The following GTF2F2 variants were observed in gnomAD, a reference collection of about 807,000 sequenced individuals.
The protein encoded by GTF2F2 is ATP-dependent helicase GTF2F2.
In GTF2F2, 23 loss-of-function variants were observed where a neutral mutation model predicts 42.2. That is an observed-to-expected ratio of 0.55 (90% confidence interval 0.39 to 0.77). The LOEUF (loss-of-function observed/expected upper bound fraction) is 0.77, where lower values mean the gene tolerates loss of function less well. GTF2F2 is among the 30% of genes least tolerant of loss of function. The pLI is 0.00. For missense variants in GTF2F2, 261 were observed against 287.2 expected (o/e 0.91, Z 0.66); for synonymous variants, 105 against 100.8 (o/e 1.04, Z -0.25).
At chr13:45,179,117 G>T (rs1022558100) in intron 4 of GTF2F2, among the ~76,000 whole-genome samples, 2 of 152,196 alleles carry the variant, frequency 1.3e-5, no homozygotes, top group Admixed American at 1.3e-4. Context: ...CACTTCAGCT[G>T]CATCTGTTGG....
intron 6 of GTF2F2, among the ~76,000 whole-genome samples, chr13:45,255,670 T>C (rs1876074355): frequency 6.6e-6 from 1 of 152,242 alleles, no homozygotes; most frequent in Admixed American, 6.5e-5. Context: ...GAGAGCTACG[T>C]GTAAATAGAG....
intron 4 of GTF2F2, chr13:45,193,612 G>A (rs1872741357): frequency 3.4e-6 from 2 of 589,070 alleles, no homozygotes; most frequent in East Asian, 5.6e-5. Flanking sequence ...GAACACCCCA[G>A]AGGAAGGACA....
chr13:45,256,802 A>C (rs1032459144), intron 6 of GTF2F2, among the ~76,000 whole-genome samples: 3 of 152,178 alleles, frequency 2.0e-5, no homozygotes, highest in African/African-American at 7.2e-5. Flanking sequence ...TTAATAAAAA[A>C]TTTTAACTCG....
rs185359605 is a variant in GTF2F2, at chr13:45,213,406, C to T, written c.386+5901C>T. Among the ~76,000 whole-genome samples the T allele has an allele frequency of 2.0e-5, 3 of 152,100 alleles. No individual in the cohort carries two copies. In the East Asian group the frequency reaches 5.8e-4, roughly 29 times the overall value. ...CTACCTAGGATTTCTTATCTACCTC[C>T]TACGGAGATCTTTCTGAGCCTTTAA... On this transcript the variant is annotated intron_variant, in intron 5 of 7. Transcript: ENST00000340473.
At chr13:45,152,653 G>A (rs916695080) in intron 4 of GTF2F2, among the ~76,000 whole-genome samples, 9 of 152,280 alleles carry the variant, frequency 5.9e-5, no homozygotes, top group Admixed American at 2.6e-4. Context: ...AAGTTTCTGC[G>A]TAGAGTTTTA....
chr13:45,123,700 C>G (rs1017888503), intron 1 of GTF2F2, among the ~76,000 whole-genome samples: 59 of 149,370 alleles, frequency 3.9e-4, no homozygotes, highest in African/African-American at 1.4e-3. Context: ...TAGGGAAAAA[C>G]AAATATAGTA....
intron 5 of GTF2F2, among the ~76,000 whole-genome samples, chr13:45,245,700 T>TATATAC (rs1372154058): frequency 6.1e-5 from 4 of 65,504 alleles, no homozygotes; most frequent in African/African-American, 3.7e-4. Context: ...TATATATATA[T>TATATAC]ACATATACAT....
intron 4 of GTF2F2, among the ~76,000 whole-genome samples, chr13:45,172,874 G>A (rs998748203): frequency 2.0e-5 from 3 of 152,040 alleles, no homozygotes; most frequent in African/African-American, 7.2e-5. Flanking sequence ...ATTGGGAAGC[G>A]TGAACCCTCC....
intron 2 of GTF2F2, among the ~76,000 whole-genome samples, chr13:45,148,506 C>G (rs1318623051): frequency 6.6e-6 from 1 of 152,150 alleles, no homozygotes; most frequent in Non-Finnish European, 1.5e-5. Flanking sequence ...CCCACTTCAA[C>G]TTATTGCAAT....
chr13:45,262,662 G>T (rs907933770), intron 6 of GTF2F2, among the ~76,000 whole-genome samples: 1 of 151,924 alleles, frequency 6.6e-6, no homozygotes, highest in Non-Finnish European at 1.5e-5. Flanking sequence ...CAAGCGATCC[G>T]CCCACCCCAG....
intron 4 of GTF2F2, among the ~76,000 whole-genome samples, chr13:45,206,157 C>CTTCTTGAGATT (rs1314146042): frequency 6.6e-5 from 10 of 151,994 alleles, no homozygotes; most frequent in Non-Finnish European, 1.2e-4. Context: ...TTTTCTGCAT[C>CTTCTTGAGATT]TTCTTGAGAT....
intron 5 of GTF2F2, among the ~76,000 whole-genome samples, chr13:45,208,730 G>A (rs59387922): frequency 0.047 from 7,138 of 152,160 alleles, 493 homozygotes; most frequent in African/African-American, 0.15. Flanking sequence ...AGATTAGACT[G>A]TCTCCTGAGA....
intron 4 of GTF2F2, among the ~76,000 whole-genome samples, chr13:45,159,020 C>T (rs1870905737): frequency 6.6e-6 from 1 of 152,110 alleles, no homozygotes; most frequent in South Asian, 2.1e-4. Context: ...ATTTTTTGCT[C>T]ATTATATTTT....
rs567083454 is a variant in GTF2F2 at position 45,216,509 on chromosome 13, GTTTGTTTT to G, written c.386+9022_386+9029del. On this transcript the variant is annotated intron_variant, in intron 5 of 7. Transcript: ENST00000340473. ...ACGTCTTTTTTAATCAAAGTCTTGT[GTTTGTTTT>G]TTTGTTTTTTTGTTTTTGAGATAGA... Among the ~76,000 whole-genome samples, 83 of 151,842 alleles carry G rather than the reference GTTTGTTTT, an allele frequency of 5.5e-4. No individual in the cohort carries two copies. The South Asian group carries it at 7.3e-3, about 13-fold the overall frequency.
At chr13:45,155,070 A>G (rs536338062) in intron 4 of GTF2F2, among the ~76,000 whole-genome samples, 52 of 152,196 alleles carry the variant, frequency 3.4e-4, no homozygotes, top group Non-Finnish European at 6.3e-4. Context: ...GCTGTGACAT[A>G]TTTAAAATGT....
intron 5 of GTF2F2, among the ~76,000 whole-genome samples, chr13:45,231,463 C>A (rs1187312172): frequency 6.6e-6 from 1 of 151,630 alleles, no homozygotes; most frequent in Admixed American, 6.6e-5. Context: ...TACAGAAATT[C>A]TCTCACTTCT....
intron 5 of GTF2F2, among the ~76,000 whole-genome samples, chr13:45,236,795 A>T (rs1172828017): frequency 6.6e-6 from 1 of 152,222 alleles, no homozygotes. Flanking sequence ...GGAATAAAAC[A>T]GTTACTTTTT....
chr13:45,123,026 A>G (rs1566105815), intron 1 of GTF2F2: 1 of 152,062 alleles, frequency 6.6e-6, no homozygotes. Context: ...CAGTGAGTCA[A>G]GATTGTGCCA....
In GTF2F2 at chr13:45,204,894, A is replaced by C. The variant is rs9652190; in HGVS notation, c.305-2530A>C. On this transcript the variant is annotated intron_variant, in intron 4 of 7. Transcript: ENST00000340473. ...TAGAAAATTATGGTTTGAGAAAGTA[A>C]ATGTTATTGCTCTGTGTGAGTGACC... is the stretch of plus-strand genomic sequence containing the variant. Among the ~76,000 whole-genome samples, 395 of 152,262 alleles carry C rather than the reference A, an allele frequency of 2.6e-3. 4 individuals carry two copies. Among genetic ancestry groups the C allele is most frequent in the African/African-American group, 9.3e-3 (385 of 41,552 alleles).
Sources: gnomAD v4.1 joint callset for allele counts (sites outside exome capture counted in the v4.1 genomes callset) on GRCh38, gnomAD v4.1.1 for gene constraint, MANE v1.5 for transcripts, NCBI Gene and HGNC (gene_info 2026-07-23, HGNC 2026-07-21) for gene names.